Variants in GPC5 observed in about 807,000 individuals in gnomAD.
The protein encoded by GPC5 is glypican-5.
A neutral mutation model predicts 53.9 loss-of-function variants in GPC5; 47 were observed. The observed-to-expected ratio is 0.87, with a 90% CI of 0.69 to 1.11. GPC5 has a LOEUF of 1.11. Ranked by LOEUF, GPC5 falls within the 50% of genes most tolerant of loss-of-function variation. The pLI is 0.00. For synonymous variants in GPC5, 286 were observed against 263.3 expected, an observed-to-expected ratio of 1.09 and a Z score of -0.84; for missense variants, 748 against 713.1, an observed-to-expected ratio of 1.05 and a Z score of -0.56.
chr13:92,363,889 T>C (rs564895439), intron 7 of GPC5, among the ~76,000 whole-genome samples: 1 of 151,272 alleles, frequency 6.6e-6, no homozygotes, highest in African/African-American at 2.5e-5. Flanking sequence ...TATAAACAGA[T>C]GTAGAGCTGA....
chr13:91,562,619 ATTTTTTT>A (rs35271520), intron 2 of GPC5, among the ~76,000 whole-genome samples: 1 of 126,078 alleles, frequency 7.9e-6, no homozygotes, highest in African/African-American at 3.0e-5. Flanking sequence ...ATGCCTGGCT[ATTTTTTT>A]TTTTTTTTTT....
intron 5 of GPC5, among the ~76,000 whole-genome samples, chr13:91,795,839 C>T (rs2990003): frequency 6.6e-6 from 1 of 151,888 alleles, no homozygotes; most frequent in South Asian, 2.1e-4. Flanking sequence ...TCCACATGCT[C>T]TCTTTATGAA....
At chr13:91,689,192 T>A (rs866312402) in intron 2 of GPC5, among the ~76,000 whole-genome samples, 3 of 88,598 alleles carry the variant, frequency 3.4e-5, no homozygotes, top group Admixed American at 1.1e-4. Context: ...TAAATATATA[T>A]ATATATATAT....
chr13:91,623,223 T>A (rs2033909351), intron 2 of GPC5, among the ~76,000 whole-genome samples: 1 of 152,150 alleles, frequency 6.6e-6, no homozygotes, highest in Non-Finnish European at 1.5e-5. Flanking sequence ...CTTAATAATC[T>A]AGAGCTAAAT....
chr13:92,301,479 C>T (rs1417771268), intron 7 of GPC5, among the ~76,000 whole-genome samples: 2 of 152,180 alleles, frequency 1.3e-5, no homozygotes, highest in African/African-American at 4.8e-5. Context: ...AATACCGACT[C>T]TTCATTTATT....
chr13:92,661,207 A>G (rs1238338865), intron 7 of GPC5, among the ~76,000 whole-genome samples: 1 of 152,098 alleles, frequency 6.6e-6, no homozygotes, highest in African/African-American at 2.4e-5. Context: ...AGGTTGGAGG[A>G]TCACTTGAGT....
At chr13:91,658,719 C>T (rs568999417) in intron 2 of GPC5, among the ~76,000 whole-genome samples, 1 of 152,272 alleles carries the variant, frequency 6.6e-6, no homozygotes, top group Admixed American at 6.5e-5. Context: ...GTCTGTCTGT[C>T]AGCCTGATTC....
intron 7 of GPC5, among the ~76,000 whole-genome samples, chr13:92,667,248 T>C (rs1886606748): frequency 6.6e-6 from 1 of 152,106 alleles, no homozygotes; most frequent in South Asian, 2.1e-4. Context: ...CCACTGTTGG[T>C]GTTTCCAAAA....
chr13:91,729,772 T>C (rs191514552), intron 4 of GPC5, among the ~76,000 whole-genome samples: 41 of 152,324 alleles, frequency 2.7e-4, no homozygotes, highest in African/African-American at 9.9e-4. Context: ...AGGGTGTTTT[T>C]ATAATAAAAC....
intron 6 of GPC5, among the ~76,000 whole-genome samples, chr13:92,130,680 T>C (rs1180576657): frequency 6.6e-6 from 1 of 152,020 alleles, no homozygotes; most frequent in Non-Finnish European, 1.5e-5. Flanking sequence ...AGGATAAATA[T>C]AATTAACTTG....
At chr13:92,068,737 G>T (rs1489979004) in intron 6 of GPC5, among the ~76,000 whole-genome samples, 2 of 150,208 alleles carry the variant, frequency 1.3e-5, no homozygotes, top group Non-Finnish European at 3.0e-5. Context: ...TACAATAATT[G>T]ATTTTGTGAT....
intron 1 of GPC5, among the ~76,000 whole-genome samples, chr13:91,433,517 A>G (rs1328335054): frequency 6.6e-6 from 1 of 152,138 alleles, no homozygotes; most frequent in African/African-American, 2.4e-5. Flanking sequence ...ATGTCCCTGC[A>G]AAGGACATGA....
chr13:91,572,712 A>C (rs2139029724), intron 2 of GPC5, among the ~76,000 whole-genome samples: 1 of 152,212 alleles, frequency 6.6e-6, no homozygotes, highest in African/African-American at 2.4e-5. Flanking sequence ...TCAAACATTG[A>C]GGGGTCACAT....
At chr13:92,708,857 C>T (rs1266978691) in intron 7 of GPC5, among the ~76,000 whole-genome samples, 14 of 48,186 alleles carry the variant, frequency 2.9e-4, no homozygotes, top group African/African-American at 9.2e-4. Flanking sequence ...TGGAAACCGC[C>T]TTTTTTTTTT....
At chr13:91,492,831 G>T (rs570078617) in intron 2 of GPC5, among the ~76,000 whole-genome samples, 14 of 152,182 alleles carry the variant, frequency 9.2e-5, no homozygotes, top group African/African-American at 2.4e-4. Context: ...TCTTTGTTCT[G>T]TCAGCCACCC....
chr13:92,273,576 C>G (rs913375125), intron 7 of GPC5, among the ~76,000 whole-genome samples: 3 of 151,936 alleles, frequency 2.0e-5, no homozygotes, highest in African/African-American at 7.2e-5. Flanking sequence ...TGATGTGATA[C>G]TCTTACCAAA....
intron 7 of GPC5, among the ~76,000 whole-genome samples, chr13:92,343,532 A>C (rs2139252686): frequency 6.6e-6 from 1 of 152,250 alleles, no homozygotes; most frequent in African/African-American, 2.4e-5. Context: ...CTTTTGACAA[A>C]CTAGGCAAAC....
intron 7 of GPC5, among the ~76,000 whole-genome samples, chr13:92,655,329 ATTTTATTTTTATTTTATTT>A (rs1281095558): frequency 7.2e-6 from 1 of 139,190 alleles, no homozygotes; most frequent in Admixed American, 7.2e-5. Flanking sequence ...TTATTTATTT[ATTTTATTTTTATTTTATTT>A]TTTGAGACAG....
intron 7 of GPC5, among the ~76,000 whole-genome samples, chr13:92,185,876 A>AG (rs1489989420): frequency 6.6e-6 from 1 of 152,198 alleles, no homozygotes; most frequent in East Asian, 1.9e-4. Context: ...AGATAAAGCA[A>AG]GCATCATTGT....
Sources: allele counts gnomAD v4.1 joint callset (sites outside exome capture counted in the v4.1 genomes callset), GRCh38; gene constraint gnomAD v4.1.1; transcripts MANE v1.5; gene names NCBI Gene and HGNC (gene_info 2026-07-23, HGNC 2026-07-21).